The following COL11A1 variants were observed in gnomAD, a reference collection of about 807,000 sequenced individuals.
COL11A1 encodes the protein collagen type XI alpha 1 chain, also known as collagen alpha-1(XI) chain.
A neutral mutation model predicts 265.2 loss-of-function variants in COL11A1; 74 were observed. That is an observed-to-expected ratio of 0.28 (90% CI 0.23 to 0.34). The LOEUF is 0.34. Ranked by LOEUF, COL11A1 falls within the 10% of genes least tolerant of loss-of-function variation. The pLI, the probability that COL11A1 is intolerant of heterozygous loss-of-function variation, is 1.00. For synonymous variants in COL11A1, 816 were observed against 727.6 expected (o/e 1.12, Z -1.96); for missense variants, 2,165 against 2,263.6 (o/e 0.96, Z 0.88).
At chr1:102,941,332 C>A (rs926896056) in intron 42 of COL11A1, among the ~76,000 whole-genome samples, 4 of 152,176 alleles carry the variant, frequency 2.6e-5, no homozygotes, top group African/African-American at 9.7e-5. Context: ...TGCCTTTCCC[C>A]ATACGTATTC....
At chr1:103,001,332 G>C (rs1271959485) in intron 24 of COL11A1, 2 of 395,810 alleles carry the variant, frequency 5.1e-6, no homozygotes, top group African/African-American at 4.1e-5. Flanking sequence ...CAAAAATAAT[G>C]AAAGAAAAAA....
chr1:102,878,080 T>C lies in COL11A1; in HGVS notation c.5360A>G (p.Asp1787Gly). 6.2e-7 allele frequency: 1 copy of C among 1,613,648 alleles called. No homozygotes were observed. The highest frequency in any genetic ancestry group is 1.1e-5 in the South Asian group (1 of 91,078). Residue 1787 changes from aspartate (D) to glycine (G), a missense_variant, in exon 67 of 67, where the codon GAC becomes GGC. Coordinates refer to ENST00000370096, the MANE Select transcript of COL11A1 (RefSeq NM_001854.4). ...QVPIVDVMIN[D>G]FGDQNQKFGF... Reference sequence around the variant, plus strand: ...GAACTTCTGATTCTGATCACCAAAGTCATTGATCATGACATCAACAATAGG... The same window carrying C: ...GAACTTCTGATTCTGATCACCAAAGCCATTGATCATGACATCAACAATAGG...
intron 58 of COL11A1, 119 bp downstream of exon 58, chr1:102,890,332 A>C (rs1035863370): frequency 4.0e-5 from 36 of 892,500 alleles, no homozygotes; most frequent in Non-Finnish European, 6.2e-5. Flanking sequence ...AGCTTTTTTC[A>C]GGGTTAGAAT....
At chr1:103,053,909 T>C (rs1266058216) in intron 4 of COL11A1, among the ~76,000 whole-genome samples, 1 of 152,194 alleles carries the variant, frequency 6.6e-6, no homozygotes, top group African/African-American at 2.4e-5. Flanking sequence ...AACCTCCTTT[T>C]AGAAAGAACA....
At chr1:102,966,025 T>C (rs115741620) in intron 37 of COL11A1, among the ~76,000 whole-genome samples, 1,861 of 152,324 alleles carry the variant, frequency 0.012, 45 homozygotes, top group African/African-American at 0.042. Context: ...GCATAGTTAG[T>C]AATTATTTTA....
intron 11 of COL11A1, among the ~76,000 whole-genome samples, chr1:103,017,316 C>A (rs1205770267): frequency 6.6e-6 from 1 of 151,494 alleles, no homozygotes; most frequent in African/African-American, 2.4e-5. Flanking sequence ...CTCTAAAGAA[C>A]AAAAGAAAGA....
At chr1:102,946,141 C>A (rs1659239862) in intron 42 of COL11A1, among the ~76,000 whole-genome samples, 1 of 127,522 alleles carries the variant, frequency 7.8e-6, no homozygotes, top group Non-Finnish European at 1.6e-5. Context: ...AACACATGGA[C>A]ACAGGAAGGA....
At chr1:102,958,345 G>A (rs1046198148) in intron 41 of COL11A1, among the ~76,000 whole-genome samples, 12 of 151,260 alleles carry the variant, frequency 7.9e-5, no homozygotes, top group African/African-American at 2.7e-4. Context: ...TTAATTGCAA[G>A]GGAAACTCAT....
intron 1 of COL11A1, among the ~76,000 whole-genome samples, chr1:103,097,635 T>C (rs1279632108): frequency 6.6e-6 from 1 of 152,036 alleles, no homozygotes; most frequent in Non-Finnish European, 1.5e-5. Flanking sequence ...ATTATAACTA[T>C]CTTTGCCCAC....
chr1:103,063,945 T>TG (rs1200906344), intron 4 of COL11A1, among the ~76,000 whole-genome samples: 6 of 152,158 alleles, frequency 3.9e-5, no homozygotes, highest in African/African-American at 1.4e-4. Context: ...AGTAAGCCTA[T>TG]GAAAATATGT....
rs574892528 is a variant in COL11A1, at chr1:102,991,697, G to C, written c.2341-2126C>G. Among the ~76,000 whole-genome samples the C allele has an allele frequency of 5.3e-4, 80 of 152,244 alleles. 1 individual carries two copies. The highest frequency in any genetic ancestry group is 1.9e-3 in the African/African-American group (77 of 41,552). On this transcript the variant is annotated intron_variant, in intron 28 of 66. Transcript: ENST00000370096. ...AATGTTCAATAAACATTTACTAAAT[G>C]CCTCAGTGTGAGTTTAGCAAGGTAT... is the stretch of plus-strand genomic sequence containing the variant.
intron 1 of COL11A1, among the ~76,000 whole-genome samples, chr1:103,093,814 A>G (rs1168745201): frequency 6.6e-6 from 1 of 152,136 alleles, no homozygotes; most frequent in Non-Finnish European, 1.5e-5. Flanking sequence ...CAAGTGGTCT[A>G]CTTGTCCAAA....
At chr1:103,079,120 T>C (rs1672205784) in intron 2 of COL11A1, among the ~76,000 whole-genome samples, 1 of 152,108 alleles carries the variant, frequency 6.6e-6, no homozygotes, top group Admixed American at 6.6e-5. Context: ...TGAAATTAAA[T>C]TTGGTTTAGG....
chr1:103,108,031 C>A (rs770635951), intron 1 of COL11A1, 42 bp downstream of exon 1: 2 of 1,467,774 alleles, frequency 1.4e-6, no homozygotes, highest in African/African-American at 1.4e-5. Context: ...AGCAGTAGGA[C>A]CGACGGCAAT....
intron 4 of COL11A1, among the ~76,000 whole-genome samples, chr1:103,060,905 T>C (rs1404397666): frequency 2.0e-5 from 3 of 152,014 alleles, no homozygotes; most frequent in African/African-American, 7.2e-5. Flanking sequence ...TTATTCTAAC[T>C]ATATATATAA....
Position 103,016,043 on chromosome 1 carries a change from A to T in COL11A1, c.1414-301T>A, listed in dbSNP as rs928094066. 8.5e-5 allele frequency among the ~76,000 whole-genome samples: 13 copies of T among 152,106 alleles called. 1 individual carries two copies. The highest frequency in any genetic ancestry group is 1.8e-4 in the Non-Finnish European group (12 of 67,968). The stretch of plus-strand genomic sequence containing the variant: ...GTTCACATATATTTTAAGGGAAAGT[A>T]ATGTGAGAAAAACAAGTAGTACAAG... On this transcript the variant is annotated intron_variant, in intron 11 of 66. Transcript: ENST00000370096.
chr1:102,907,743 T>G (rs1337220378), intron 54 of COL11A1, among the ~76,000 whole-genome samples: 2 of 17,974 alleles, frequency 1.1e-4, no homozygotes, highest in Non-Finnish European at 1.9e-4. Flanking sequence ...GATTTTGAGA[T>G]TCATCTGTTA....
intron 38 of COL11A1, among the ~76,000 whole-genome samples, chr1:102,963,347 C>T (rs1042034095): frequency 4.6e-5 from 7 of 152,136 alleles, no homozygotes; most frequent in Non-Finnish European, 7.3e-5. Context: ...CAGTTCCTCT[C>T]GGCCAAAGGC....
At chr1:102,960,281 G>A (rs1379428545) in intron 41 of COL11A1, among the ~76,000 whole-genome samples, 1 of 152,066 alleles carries the variant, frequency 6.6e-6, no homozygotes, top group Non-Finnish European at 1.5e-5. Flanking sequence ...CCAGTATTAA[G>A]TAATGCTATA....
Sources: allele counts gnomAD v4.1 joint callset (sites outside exome capture counted in the v4.1 genomes callset), GRCh38; gene constraint gnomAD v4.1.1; transcripts MANE v1.5; gene names NCBI Gene and HGNC (gene_info 2026-07-23, HGNC 2026-07-21).